Variants in KIR2DL4 observed in about 807,000 individuals in gnomAD.
KIR2DL4 encodes killer cell immunoglobulin-like receptor 2DL4.
Under a neutral mutation model 31.0 loss-of-function variants are expected in KIR2DL4, and 41 were observed. The ratio of observed to expected loss-of-function variants is 1.32; its 90% CI spans 1.03 to 1.72. The LOEUF is 1.72. Ranked by LOEUF, KIR2DL4 falls within the 40% of genes most tolerant of loss-of-function variation. The pLI is 0.00. For synonymous variants in KIR2DL4, 164 were observed against 133.6 expected (o/e 1.23, Z -1.57); for missense variants, 438 against 353.7 (o/e 1.24, Z -1.91).
chr19:54,805,339 C>T (rs899532545), intron 3 of KIR2DL4, among the ~76,000 whole-genome samples: 6 of 151,336 alleles, frequency 4.0e-5, no homozygotes, highest in East Asian at 1.9e-4. Flanking sequence ...GATGAGTTGA[C>T]CTTGAGATGG....
intron 2 of KIR2DL4, 133 bp downstream of exon 2, chr19:54,804,059 G>T: frequency 1.2e-6 from 1 of 851,616 alleles, no homozygotes; most frequent in Non-Finnish European, 2.0e-6. Flanking sequence ...AGTCTCTCAT[G>T]AACTAGTAAG....
exon 4 of KIR2DL4, chr19:54,806,198 C>A (rs1049277022): frequency 1.9e-6 from 3 of 1,611,366 alleles, no homozygotes; most frequent in African/African-American, 2.7e-5. Flanking sequence ...ATGGATCTCC[C>A]TACGAGTGGT....
rs922399418 is a variant in KIR2DL4 at position 54,813,628 on chromosome 19, T to C, written c.811-62T>C. 47 of 1,541,184 alleles carry C rather than the reference T, an allele frequency of 3.0e-5. 3 individuals carry two copies. Among genetic ancestry groups the C allele is most frequent in the South Asian group, 2.4e-4 (21 of 88,134 alleles). On this transcript the variant is annotated intron_variant, in intron 6 of 7. Transcript: ENST00000359085. ...GCCTCCCCCTGTGTGTTGGTATCTG[T>C]TCATGAAATGAGGACCCAGAAGTGC...
In KIR2DL4 at chr19:54,805,043, G is replaced by A. The variant is rs796707269; in HGVS notation, c.327G>A (p.Ser109=). Residue 109 remains serine, a synonymous_variant, in exon 3 of 8, where the codon TCG becomes TCA. Coordinates refer to ENST00000359085, the Ensembl canonical transcript of KIR2DL4. ...ACCCGCACTCCCCCACTGAGTGGTC[G>A]GCACCCAGCAACCCCCTGGTGATCA... The A allele has an allele frequency of 2.5e-6, 4 of 1,609,444 alleles. No homozygotes were observed. Among genetic ancestry groups the A allele is most frequent in the South Asian group, 1.1e-5 (1 of 90,538 alleles).
intron 2 of KIR2DL4, among the ~76,000 whole-genome samples, chr19:54,804,431 C>T (rs1388467979): frequency 6.6e-6 from 1 of 151,410 alleles, no homozygotes; most frequent in East Asian, 1.9e-4. Context: ...ACAGCCACGA[C>T]CCTGCCATTC....
intron 5 of KIR2DL4, among the ~76,000 whole-genome samples, chr19:54,810,776 C>T (rs1399492088): frequency 2.0e-5 from 3 of 151,176 alleles, no homozygotes; most frequent in African/African-American, 4.9e-5. Flanking sequence ...AACTGGGAAT[C>T]CCTACATGAT....
intron 5 of KIR2DL4, among the ~76,000 whole-genome samples, chr19:54,809,336 C>T (rs2060716805): frequency 6.6e-6 from 1 of 150,694 alleles, no homozygotes; most frequent in Non-Finnish European, 1.5e-5. Flanking sequence ...TAAGAGAGAA[C>T]GTAGTTCATC....
At chr19:54,803,857 GA>G in intron 1 of KIR2DL4, 33 bp from the exon 2 acceptor site, 1 of 1,601,412 alleles carries the variant, frequency 6.2e-7, no homozygotes, top group Non-Finnish European at 8.5e-7. Flanking sequence ...GGTTGCTGCC[GA>G]GATGAATAGT....
chr19:54,804,240 G>A (rs1409014840), intron 2 of KIR2DL4, among the ~76,000 whole-genome samples: 2 of 150,912 alleles, frequency 1.3e-5, no homozygotes, highest in African/African-American at 2.5e-5. Flanking sequence ...GGGATACTGA[G>A]GTGCTCAAAG....
At position 54,805,080 on chromosome 19, in the gene KIR2DL4, C is replaced by CA. The variant is rs1336949272; in HGVS notation, c.361+4dup. On this transcript the variant is annotated splice_donor_region_variant and intron_variant, in intron 3 of 7. Transcript: ENST00000359085. The stretch of plus-strand genomic sequence containing the variant: ...CCCCCTGGTGATCATGGTCACAGGT[C>CA]AGAGGGCTCCTGTCTGGGCTTCTCC... 6.3e-7 allele frequency: 1 copy of CA among 1,594,922 alleles called. No individual in the cohort carries two copies. Among genetic ancestry groups the CA allele is most frequent in the Non-Finnish European group, 8.5e-7 (1 of 1,173,390 alleles).
intron 5 of KIR2DL4, among the ~76,000 whole-genome samples, chr19:54,810,993 C>A (rs1484105510): frequency 6.6e-6 from 1 of 151,248 alleles, no homozygotes; most frequent in Non-Finnish European, 1.5e-5. Flanking sequence ...ATTGTTTAAT[C>A]TTCACTTCAT....
exon 8 of KIR2DL4, chr19:54,813,957 C>T: frequency 6.2e-7 from 1 of 1,612,412 alleles, no homozygotes; most frequent in Non-Finnish European, 8.5e-7. Context: ...TCAACAGATA[C>T]CAGCGTGTGT....
At chr19:54,810,851 A>G (rs1441224999) in intron 5 of KIR2DL4, among the ~76,000 whole-genome samples, 2 of 151,438 alleles carry the variant, frequency 1.3e-5, no homozygotes, top group African/African-American at 4.9e-5. Context: ...GAGACTGTGG[A>G]AAAGGCAATT....
exon 4 of KIR2DL4, chr19:54,806,165 C>A: frequency 2.5e-6 from 4 of 1,611,846 alleles, no homozygotes; most frequent in Non-Finnish European, 3.4e-6. Flanking sequence ...ACGGAGAGAC[C>A]TACAGATGCT....
chr19:54,814,480 G>A (rs1229550626), exon 8 of KIR2DL4: 5 of 294,904 alleles, frequency 1.7e-5, no homozygotes, highest in Non-Finnish European at 2.6e-5. Context: ...TGATTTCAGT[G>A]TAGTTCTCTC....
chr19:54,803,862 G>A (rs2060327439), intron 1 of KIR2DL4, 29 bp from the exon 2 acceptor site: 1 of 1,605,292 alleles, frequency 6.2e-7, no homozygotes, highest in Non-Finnish European at 8.5e-7. Context: ...CTGCCGAGAT[G>A]AATAGTTCAT....
chr19:54,813,060 G>A lies in KIR2DL4; in HGVS notation c.707-65G>A, dbSNP rs2060961476. On this transcript the variant is annotated intron_variant, in intron 5 of 7. Coordinates refer to ENST00000359085, the Ensembl canonical transcript of KIR2DL4. ...TGTGGTTGCCTGGCAACCAAGAAAT[G>A]AGAGACAATCCACAAAGAGGAACTG... is the stretch of plus-strand genomic sequence containing the variant. 1.9e-5 allele frequency: 24 copies of A among 1,254,190 alleles called. 1 individual carries two copies. The South Asian group carries it at 2.3e-4, about 12-fold the overall frequency. The allele number at this position is 1,254,190 out of a possible 1,614,324, so 77.7% of individuals were successfully genotyped here.
In KIR2DL4 at chr19:54,814,260, C is replaced by A. The variant is rs1289040967; in HGVS notation, c.*460C>A. 4 of 869,772 alleles carry A rather than the reference C, an allele frequency of 4.6e-6. No homozygotes were observed. The African/African-American group carries it at 5.2e-5, about 11-fold the overall frequency. The allele number at this position is 869,772 out of a possible 1,614,324, so 53.9% of individuals were successfully genotyped here. On this transcript the variant is annotated 3_prime_UTR_variant, in exon 8 of 8. Transcript: ENST00000359085. Reference sequence around the variant, plus strand: ...GCCCACAATTCTCTATTTCACTTGACCCCTGCCCACCTCTCCAACCTAACT... The same window carrying A: ...GCCCACAATTCTCTATTTCACTTGAACCCTGCCCACCTCTCCAACCTAACT...
At chr19:54,808,842 C>G in exon 5 of KIR2DL4, 6 of 1,594,764 alleles carry the variant, frequency 3.8e-6, no homozygotes, top group Non-Finnish European at 5.1e-6. Context: ...GGAAACCCTT[C>G]TAGTAGTTGG....
Sources: allele counts gnomAD v4.1 joint callset (sites outside exome capture counted in the v4.1 genomes callset), GRCh38; gene constraint gnomAD v4.1.1; transcripts MANE v1.5; gene names NCBI Gene and HGNC (gene_info 2026-07-23, HGNC 2026-07-21).